The following PKHD1 variants were observed in gnomAD, a reference collection of about 807,000 sequenced individuals.
The protein encoded by PKHD1 is PKHD1 ciliary IPT domain containing fibrocystin/polyductin.
PKHD1 carries 291 observed loss-of-function variants against 412.0 expected under a neutral mutation model. That is an observed-to-expected ratio of 0.71 (90% CI 0.64 to 0.78). The LOEUF (loss-of-function observed/expected upper bound fraction) is 0.78. PKHD1 is among the 30% of genes least tolerant of loss of function. The pLI, the probability that PKHD1 is intolerant of heterozygous loss-of-function variation, is 0.00. For synonymous variants in PKHD1, 1,777 were observed against 1,821.5 expected (o/e 0.98, Z 0.62); for missense variants, 4,825 against 4,950.7 (o/e 0.97, Z 0.76).
chr6:51,663,512 G>C (rs1051539328), intron 60 of PKHD1, among the ~76,000 whole-genome samples: 3 of 152,100 alleles, frequency 2.0e-5, no homozygotes, highest in African/African-American at 7.2e-5. Flanking sequence ...GTGTTCTTAA[G>C]GGTTATCTCT....
intron 35 of PKHD1, among the ~76,000 whole-genome samples, chr6:51,996,203 G>C (rs1260289030): frequency 6.7e-6 from 1 of 148,506 alleles, no homozygotes; most frequent in Admixed American, 6.7e-5. Flanking sequence ...TAGAGATGGG[G>C]TTTCACTGCA....
intron 58 of PKHD1, 31 bp from the exon 59 acceptor site, chr6:51,746,920 T>G (rs779893245): frequency 7.8e-7 from 1 of 1,276,808 alleles, no homozygotes; most frequent in Non-Finnish European, 1.1e-6. Context: ...ATCATAATAT[T>G]ATATCATATA....
In PKHD1 at chr6:52,066,001, G is replaced by C; in HGVS notation, c.855C>G (p.Asp285Glu). Residue 285 changes from aspartate (D) to glutamate (E), a missense_variant, in exon 12 of 67, where the codon GAC becomes GAG. Transcript: ENST00000371117. The part of the protein sequence containing the change: ...TNITITGDFF[D>E]NSAQVTIAGI... Reference sequence around the variant, plus strand: ...CTGCAATGGTAACCTGGGCAGAATTGTCAAAAAAGTCTCCTGTAATTGTGA... The same window carrying C: ...CTGCAATGGTAACCTGGGCAGAATTCTCAAAAAAGTCTCCTGTAATTGTGA... 1.3e-6 allele frequency: 2 copies of C among 1,586,018 alleles called. No individual in the cohort carries two copies. The highest frequency in any genetic ancestry group is 1.7e-6 in the Non-Finnish European group (2 of 1,155,098).
At chr6:51,656,656 T>C (rs1431316350) in intron 61 of PKHD1, among the ~76,000 whole-genome samples, 1 of 113,332 alleles carries the variant, frequency 8.8e-6, no homozygotes, top group Admixed American at 9.2e-5. Flanking sequence ...GCTTATAGCT[T>C]TTCTTTCTTT....
chr6:51,965,358 T>C (rs1792653797), intron 35 of PKHD1, among the ~76,000 whole-genome samples: 2 of 152,112 alleles, frequency 1.3e-5, no homozygotes, highest in Admixed American at 1.3e-4. Flanking sequence ...CTCTTTTTAA[T>C]CTGGACACAA....
chr6:51,628,979 A>G (rs960371922), intron 65 of PKHD1, among the ~76,000 whole-genome samples: 6 of 152,222 alleles, frequency 3.9e-5, no homozygotes, highest in Non-Finnish European at 8.8e-5. Flanking sequence ...ACTCCTTTTC[A>G]ATAAATGGTG....
intron 60 of PKHD1, among the ~76,000 whole-genome samples, chr6:51,707,476 G>A (rs868384144): frequency 2.0e-5 from 3 of 152,126 alleles, no homozygotes; most frequent in Non-Finnish European, 4.4e-5. Flanking sequence ...TCTTGCTCCC[G>A]TACTTTTACT....
chr6:51,722,496 G>C (rs1249098134), intron 60 of PKHD1, among the ~76,000 whole-genome samples: 1 of 152,024 alleles, frequency 6.6e-6, no homozygotes, highest in Non-Finnish European at 1.5e-5. Context: ...TGTGAGCATT[G>C]GTTTCATCAT....
Position 51,619,428 on chromosome 6 carries a change from C to T in PKHD1, c.11878G>A (p.Val3960Ile), listed in dbSNP as rs34548196. ...VSRRKVSRHI[V>I]REEEAAVPAP... ...GGCACAGCAGCCTCTTCCTCTCGGA[C>T]AATGTGGCGGCTAACTTTCCTTCTG... is the stretch of plus-strand genomic sequence containing the variant. Residue 3960 changes from valine to isoleucine, a missense_variant, in exon 67 of 67, where the codon GTC becomes ATC. By Grantham distance (29) the Val-to-Ile change is conservative. Transcript: ENST00000371117. 28,213 of 1,613,762 alleles carry T rather than the reference C, an allele frequency of 0.017. 297 individuals carry two copies. The highest frequency in any genetic ancestry group is 0.02 in the Non-Finnish European group (23,390 of 1,179,696).
Position 51,859,255 on chromosome 6 carries a change from G to A in PKHD1, c.7734-3185C>T, listed in dbSNP as rs1348469429. 4.6e-5 allele frequency among the ~76,000 whole-genome samples: 7 copies of A among 151,968 alleles called. 1 individual carries two copies. The South Asian group carries it at 1.2e-3, about 27-fold the overall frequency. ...AAAAAAAATTACCTCGGCCGGGAGC[G>A]GTGGCTTATGCCTGTAATCCCAGCA... is the stretch of plus-strand genomic sequence containing the variant. On this transcript the variant is annotated intron_variant, in intron 48 of 66. Coordinates refer to ENST00000371117, the MANE Select transcript of PKHD1 (RefSeq NM_138694.4).
intron 52 of PKHD1, among the ~76,000 whole-genome samples, chr6:51,816,580 T>A (rs938522289): frequency 1.3e-5 from 2 of 152,364 alleles, no homozygotes; most frequent in South Asian, 4.1e-4. Context: ...TCTCTGCATA[T>A]AGTTAATTGT....
rs1766150718 is a variant in PKHD1, at chr6:51,617,272, A to G, written c.*1809T>C. On this transcript the variant is annotated 3_prime_UTR_variant, in exon 67 of 67. Coordinates refer to ENST00000371117, the MANE Select transcript of PKHD1 (RefSeq NM_138694.4). ...TGAGTATACTAAAGTAGAGATTGCA[A>G]AGGCAAATGACTTCAAGACCGAGAA... 1.3e-5 allele frequency: 2 copies of G among 152,120 alleles called. No individual in the cohort carries two copies. The allele number at this position is 152,120 out of a possible 1,614,324, so 9.4% of individuals were successfully genotyped here.
At chr6:51,824,686 G>C (rs1335404170) in intron 52 of PKHD1, among the ~76,000 whole-genome samples, 1 of 152,146 alleles carries the variant, frequency 6.6e-6, no homozygotes, top group Non-Finnish European at 1.5e-5. Context: ...TCAAAGGAAA[G>C]TTCAACTGTT....
At chr6:51,862,439 C>T (rs908086915) in intron 48 of PKHD1, among the ~76,000 whole-genome samples, 2 of 152,146 alleles carry the variant, frequency 1.3e-5, no homozygotes, top group Admixed American at 6.6e-5. Flanking sequence ...AAAGATAATA[C>T]ATCTTTGAAT....
Position 52,022,863 on chromosome 6 carries a change from G to A in PKHD1, c.5318C>T (p.Pro1773Leu), listed in dbSNP as rs1322707021. Reference sequence around the variant, plus strand: ...TGTAGCATTAGCCAGGACTCGGCAGGGAGCACCACACACAGCAGCTGAGAC... The same window carrying A: ...TGTAGCATTAGCCAGGACTCGGCAGAGAGCACCACACACAGCAGCTGAGAC... ...GNVSAAVCGAPCRVLANATVS... is the reference protein window; with the variant it reads ...GNVSAAVCGALCRVLANATVS... The change falls in exon 33 of 67, where the codon CCC becomes CTC. Residue 1773 changes from proline to leucine, a missense_variant. Coordinates refer to ENST00000371117, the MANE Select transcript of PKHD1 (RefSeq NM_138694.4). 2 of 1,614,010 alleles carry A rather than the reference G, an allele frequency of 1.2e-6. No individual in the cohort carries two copies. The highest frequency in any genetic ancestry group is 1.7e-6 in the Non-Finnish European group (2 of 1,180,028).
chr6:51,651,700 C>T (rs1006633640), intron 61 of PKHD1, among the ~76,000 whole-genome samples: 1 of 152,072 alleles, frequency 6.6e-6, no homozygotes, highest in African/African-American at 2.4e-5. Flanking sequence ...AATTTCTCCC[C>T]CTTCCCTGAA....
chr6:51,775,883 G>A lies in PKHD1; in HGVS notation c.8479C>T (p.Leu2827=). ...CCCTCTGAGGCTCTAAGGAGAATCAGAAGCTTTTGTTCCTTTTCTAAGGGA... is the reference window on the plus strand; with the variant it reads ...CCCTCTGAGGCTCTAAGGAGAATCAAAAGCTTTTGTTCCTTTTCTAAGGGA... ...ENPLEKEQKL[L]ILLRASEGVF... Residue 2827 remains leucine, a synonymous_variant, in exon 54 of 67, where the codon CTG becomes TTG. Transcript: ENST00000371117. The A allele has an allele frequency of 6.3e-7, 1 of 1,597,710 alleles. No homozygotes were observed. The highest frequency in any genetic ancestry group is 1.1e-5 in the South Asian group (1 of 90,698).
intron 34 of PKHD1, among the ~76,000 whole-genome samples, chr6:52,016,491 C>T (rs1216883153): frequency 6.6e-6 from 1 of 151,874 alleles, no homozygotes; most frequent in East Asian, 1.9e-4. Context: ...CAAAAATTAG[C>T]TGGGCGTGGT....
At position 52,033,107 on chromosome 6, in the gene PKHD1, A is replaced by G. The variant is rs1803322601; in HGVS notation, c.3287T>C (p.Leu1096Pro). 6.2e-7 allele frequency: 1 copy of G among 1,610,366 alleles called. No individual in the cohort carries two copies. Among genetic ancestry groups the G allele is most frequent in the Non-Finnish European group, 8.5e-7 (1 of 1,176,594 alleles). The change falls in exon 29 of 67, where the codon CTT becomes CCT. Residue 1096 changes from leucine to proline, a missense_variant. Coordinates refer to ENST00000371117, the MANE Select transcript of PKHD1 (RefSeq NM_138694.4). ...TVIRGDYSAVLPRAFTYVSSL... is the reference protein window; with the variant it reads ...TVIRGDYSAVPPRAFTYVSSL... ...AGAGACATATGTAAATGCTCTGGGA[A>G]GAACTGCAGAATAGTCCCCTCTGAT...
Sources: allele counts gnomAD v4.1 joint callset (sites outside exome capture counted in the v4.1 genomes callset), GRCh38; gene constraint gnomAD v4.1.1; transcripts MANE v1.5; gene names NCBI Gene and HGNC (gene_info 2026-07-23, HGNC 2026-07-21).